The following MBD5 variants were observed in gnomAD, a reference collection of about 807,000 sequenced individuals.
MBD5 encodes methyl-CpG binding domain protein 5.
A neutral mutation model predicts 117.3 loss-of-function variants in MBD5; 13 were observed. The observed-to-expected ratio is 0.11, with a 90% CI of 0.07 to 0.18. The LOEUF (loss-of-function observed/expected upper bound fraction) is 0.18, where lower values mean the gene tolerates loss of function less well. Among genes scored for constraint, MBD5 ranks in the 10% least tolerant of loss-of-function variants. The probability of loss-of-function intolerance (pLI) is 1.00; values close to 1 mark genes in which losing one functional copy is unlikely to be tolerated. For missense variants in MBD5, 1,879 were observed against 2,093.8 expected (o/e 0.90, Z 2.00); for synonymous variants, 727 against 766.4 (o/e 0.95, Z 0.85).
chr2:148,494,283 CA>C (rs1293371263), intron 11 of MBD5, among the ~76,000 whole-genome samples: 1 of 152,134 alleles, frequency 6.6e-6, no homozygotes, highest in Non-Finnish European at 1.5e-5. Context: ...ATGTTTACAG[CA>C]CATGTACAAA....
chr2:148,414,079 T>G (rs1475740003), intron 4 of MBD5, among the ~76,000 whole-genome samples: 1 of 152,134 alleles, frequency 6.6e-6, no homozygotes, highest in African/African-American at 2.4e-5. Context: ...TTTGAGATCT[T>G]CCTCACTTTT....
intron 1 of MBD5, among the ~76,000 whole-genome samples, chr2:148,151,512 GA>G (rs1439377471): frequency 9.2e-5 from 14 of 152,348 alleles, no homozygotes; most frequent in African/African-American, 3.4e-4. Flanking sequence ...GTTTCCGAAG[GA>G]ATGGTACCAG....
intron 3 of MBD5, among the ~76,000 whole-genome samples, chr2:148,283,153 G>A (rs1701290946): frequency 6.6e-6 from 1 of 151,986 alleles, no homozygotes; most frequent in South Asian, 2.1e-4. Flanking sequence ...ATGCAATAAG[G>A]TATTCTCAGA....
At chr2:148,180,343 CATATATATAT>C (rs70992196) in intron 2 of MBD5, among the ~76,000 whole-genome samples, 1 of 105,544 alleles carries the variant, frequency 9.5e-6, no homozygotes, top group Non-Finnish European at 1.8e-5. Flanking sequence ...AAAAATTATA[CATATATATAT>C]ATATATATGT....
At chr2:148,183,708 A>G (rs1335685952) in intron 2 of MBD5, among the ~76,000 whole-genome samples, 1 of 152,088 alleles carries the variant, frequency 6.6e-6, no homozygotes, top group Non-Finnish European at 1.5e-5. Flanking sequence ...ACATTTTCCC[A>G]AGACATTTTG....
intron 1 of MBD5, among the ~76,000 whole-genome samples, chr2:148,129,977 C>T (rs1696995520): frequency 6.6e-6 from 1 of 152,120 alleles, no homozygotes; most frequent in South Asian, 2.1e-4. Context: ...TAAAATTTTT[C>T]TGTTGTTCCA....
At chr2:148,446,412 A>G (rs1706527593) in intron 4 of MBD5, among the ~76,000 whole-genome samples, 1 of 152,030 alleles carries the variant, frequency 6.6e-6, no homozygotes. Context: ...CAAACAAACA[A>G]ACAAACAGAA....
chr2:148,208,613 AT>A (rs1699343035), intron 2 of MBD5, among the ~76,000 whole-genome samples: 1 of 149,494 alleles, frequency 6.7e-6, no homozygotes, highest in Non-Finnish European at 1.5e-5. Flanking sequence ...GCTGGAAACA[AT>A]TTTGTGATCT....
chr2:148,455,641 T>A (rs1559079041), intron 4 of MBD5, among the ~76,000 whole-genome samples: 4 of 151,730 alleles, frequency 2.6e-5, no homozygotes. Flanking sequence ...TACTGAAATG[T>A]GAGGGAAGCA....
chr2:148,476,167 G>A (rs1680957732), intron 8 of MBD5, among the ~76,000 whole-genome samples: 1 of 151,668 alleles, frequency 6.6e-6, no homozygotes, highest in South Asian at 2.1e-4. Context: ...GGGCTCCTGT[G>A]CTGCATAACT....
intron 4 of MBD5, among the ~76,000 whole-genome samples, chr2:148,447,394 G>A (rs1380465400): frequency 1.3e-5 from 2 of 152,024 alleles, no homozygotes; most frequent in Non-Finnish European, 2.9e-5. Flanking sequence ...CTGGCTTACT[G>A]GCCCTCCTGC....
chr2:148,464,931 CTG>C (rs1362895874), intron 7 of MBD5, among the ~76,000 whole-genome samples: 1 of 151,484 alleles, frequency 6.6e-6, no homozygotes, highest in Non-Finnish European at 1.5e-5. Context: ...GATCACACCA[CTG>C]TGCTCCAACC....
intron 11 of MBD5, 96 bp downstream of exon 11, chr2:148,490,690 A>G: frequency 3.3e-6 from 5 of 1,493,626 alleles, no homozygotes; most frequent in Non-Finnish European, 3.7e-6. Context: ...TGGATTTGAA[A>G]TTAGGATTCT....
At chr2:148,188,629 G>C (rs1698731665) in intron 2 of MBD5, among the ~76,000 whole-genome samples, 1 of 148,968 alleles carries the variant, frequency 6.7e-6, no homozygotes, top group African/African-American at 2.5e-5. Flanking sequence ...GCTGCAGTGA[G>C]CCATGATTGC....
intron 6 of MBD5, among the ~76,000 whole-genome samples, chr2:148,462,960 T>C (rs1216412054): frequency 6.6e-6 from 1 of 152,182 alleles, no homozygotes; most frequent in Non-Finnish European, 1.5e-5. Flanking sequence ...TATCTAATAT[T>C]GCTCGGCATT....
intron 3 of MBD5, among the ~76,000 whole-genome samples, chr2:148,282,006 C>G (rs1701260088): frequency 6.6e-6 from 1 of 152,178 alleles, no homozygotes; most frequent in Non-Finnish European, 1.5e-5. Flanking sequence ...TTGCGTACTA[C>G]TTTGTGTTCT....
intron 4 of MBD5, among the ~76,000 whole-genome samples, chr2:148,443,177 A>G (rs1706380139): frequency 6.6e-6 from 1 of 151,468 alleles, no homozygotes; most frequent in Admixed American, 6.6e-5. Context: ...GAGAAATGCA[A>G]ACAAAACTAC....
In MBD5 at chr2:148,165,948, T is replaced by C. The variant is rs147329015; in HGVS notation, c.-924-12752T>C. Among the ~76,000 whole-genome samples, 307 of 152,330 alleles carry C rather than the reference T, an allele frequency of 2.0e-3. 1 individual carries two copies. The highest frequency in any genetic ancestry group is 7.1e-3 in the African/African-American group (296 of 41,584). ...TCTGCATAGTGATTTCAGTTCATTA[T>C]AAACAGAGAAGATTCAGCAAGTTTC... On this transcript the variant is annotated intron_variant, in intron 1 of 13. Coordinates refer to ENST00000642680, the MANE Select transcript of MBD5 (RefSeq NM_001378120.1).
At chr2:148,383,910 C>G (rs1456956946) in intron 4 of MBD5, among the ~76,000 whole-genome samples, 5 of 152,092 alleles carry the variant, frequency 3.3e-5, no homozygotes, top group African/African-American at 1.2e-4. Flanking sequence ...AAATTCAACA[C>G]CCCTTCATGC....
Sources: allele counts gnomAD v4.1 joint callset (sites outside exome capture counted in the v4.1 genomes callset), GRCh38; gene constraint gnomAD v4.1.1; transcripts MANE v1.5; gene names NCBI Gene and HGNC (gene_info 2026-07-23, HGNC 2026-07-21).